Variants in FOXP1 observed in about 807,000 individuals in gnomAD.
The protein encoded by FOXP1 is forkhead box P1.
A neutral mutation model predicts 98.2 loss-of-function variants in FOXP1; 15 were observed. That is an observed-to-expected ratio of 0.15 (90% confidence interval 0.10 to 0.24). The LOEUF (loss-of-function observed/expected upper bound fraction) is 0.24, where lower values mean the gene tolerates loss of function less well. Among genes scored for constraint, FOXP1 ranks in the 10% least tolerant of loss-of-function variants. FOXP1 has a pLI of 1.00. For synonymous variants in FOXP1, 371 were observed against 314.5 expected (o/e 1.18, Z -1.90); for missense variants, 633 against 848.5 (o/e 0.75, Z 3.15).
At chr3:71,196,159 T>C (rs1234407191) in intron 6 of FOXP1, among the ~76,000 whole-genome samples, 4 of 152,196 alleles carry the variant, frequency 2.6e-5, no homozygotes, top group African/African-American at 7.2e-5. Flanking sequence ...AAAACTGTCA[T>C]AAAAACATTT....
intron 2 of FOXP1, among the ~76,000 whole-genome samples, chr3:71,559,662 A>G (rs1266211456): frequency 6.6e-6 from 1 of 152,164 alleles, no homozygotes; most frequent in Non-Finnish European, 1.5e-5. Flanking sequence ...CCTGGGCAAA[A>G]CTGTGAAATC....
chr3:71,233,854 C>T (rs1453333486), intron 5 of FOXP1, among the ~76,000 whole-genome samples: 1 of 152,118 alleles, frequency 6.6e-6, no homozygotes, highest in African/African-American at 2.4e-5. Flanking sequence ...GAACTTAAGA[C>T]CTTGGTAAAA....
intron 3 of FOXP1, among the ~76,000 whole-genome samples, chr3:71,460,257 T>G (rs954514633): frequency 1.3e-5 from 2 of 151,410 alleles, no homozygotes; most frequent in Non-Finnish European, 2.9e-5. Context: ...TTGTTTGTTT[T>G]TTGTGACAGT....
intron 5 of FOXP1, among the ~76,000 whole-genome samples, chr3:71,257,161 T>C (rs919543325): frequency 2.0e-5 from 3 of 152,216 alleles, no homozygotes; most frequent in Admixed American, 6.5e-5. Flanking sequence ...TTCTTTGTTA[T>C]GGGTGCTCCT....
chr3:71,378,283 G>T (rs1281667850), intron 3 of FOXP1, among the ~76,000 whole-genome samples: 1 of 152,036 alleles, frequency 6.6e-6, no homozygotes, highest in Non-Finnish European at 1.5e-5. Context: ...AGAAGGTACC[G>T]CTGGGGAGAT....
At chr3:71,228,554 G>A (rs2066023573) in intron 5 of FOXP1, among the ~76,000 whole-genome samples, 1 of 152,140 alleles carries the variant, frequency 6.6e-6, no homozygotes, top group South Asian at 2.1e-4. Context: ...GCAGCGCAAT[G>A]ACAATGTACA....
At chr3:71,234,349 G>C (rs2066595338) in intron 5 of FOXP1, among the ~76,000 whole-genome samples, 1 of 152,152 alleles carries the variant, frequency 6.6e-6, no homozygotes, top group African/African-American at 2.4e-5. Flanking sequence ...CTCCACCACT[G>C]GAGATCATCC....
At chr3:71,300,153 C>CG (rs2073722622) in intron 4 of FOXP1, among the ~76,000 whole-genome samples, 1 of 152,090 alleles carries the variant, frequency 6.6e-6, no homozygotes, top group Non-Finnish European at 1.5e-5. Context: ...TGTTGTCTAT[C>CG]GATTTATTTT....
chr3:71,046,947 G>A lies in FOXP1; in HGVS notation c.659C>T (p.Ala220Val), dbSNP rs199669525. ...GQPALPLQPL[A>V]QGMIPTELQQ... The stretch of plus-strand genomic sequence containing the variant: ...TCTGTAAAATCAACGCATACCTTGA[G>A]CAAGAGGTTGAAGGGGAAGGGCAGG... Residue 220 changes from alanine (A) to valine (V), a missense_variant, in exon 10 of 21, where the codon GCT (alanine) becomes GTT (valine). Coordinates refer to ENST00000649528, the MANE Select transcript of FOXP1 (RefSeq NM_001349338.3). 6.2e-7 allele frequency: 1 copy of A among 1,614,060 alleles called. No individual in the cohort carries two copies. The highest frequency in any genetic ancestry group is 2.2e-5 in the East Asian group (1 of 44,890).
chr3:70,988,221 G>T, intron 13 of FOXP1, 144 bp from the exon 14 acceptor site: 1 of 812,244 alleles, frequency 1.2e-6, no homozygotes, highest in Non-Finnish European at 2.1e-6. Flanking sequence ...AAATCTACAT[G>T]ACCATTGCCA....
intron 11 of FOXP1, among the ~76,000 whole-genome samples, chr3:71,031,520 TTTCACCCTG>T (rs2046865846): frequency 6.6e-6 from 1 of 152,176 alleles, no homozygotes; most frequent in Non-Finnish European, 1.5e-5. Flanking sequence ...AGTCCCTATT[TTTCACCCTG>T]TGCACTGGGA....
intron 3 of FOXP1, among the ~76,000 whole-genome samples, chr3:71,481,669 A>T (rs1455523989): frequency 2.6e-5 from 4 of 152,176 alleles, no homozygotes; most frequent in South Asian, 4.1e-4. Flanking sequence ...ACTTGGTGAC[A>T]ATCAGAAACT....
At chr3:70,995,926 T>G (rs1329323057) in intron 13 of FOXP1, among the ~76,000 whole-genome samples, 1 of 152,220 alleles carries the variant, frequency 6.6e-6, no homozygotes, top group Non-Finnish European at 1.5e-5. Context: ...GTACCTTGCC[T>G]TTTGTAATTG....
intron 2 of FOXP1, among the ~76,000 whole-genome samples, chr3:71,545,783 T>C (rs1241652359): frequency 6.6e-6 from 1 of 152,184 alleles, no homozygotes; most frequent in Non-Finnish European, 1.5e-5. Flanking sequence ...TTGGAAAATA[T>C]TACATTCCTA....
chr3:71,361,539 G>A (rs2078570608), intron 3 of FOXP1, among the ~76,000 whole-genome samples: 2 of 152,176 alleles, frequency 1.3e-5, no homozygotes, highest in African/African-American at 4.8e-5. Flanking sequence ...ACACTCGATT[G>A]CAGGTTTGGC....
At chr3:71,068,356 C>A (rs1453957307) in intron 7 of FOXP1, among the ~76,000 whole-genome samples, 3 of 152,180 alleles carry the variant, frequency 2.0e-5, no homozygotes, top group Non-Finnish European at 4.4e-5. Context: ...GGTTTTACTG[C>A]CCATTCAGAG....
At chr3:71,475,774 G>A (rs746915230) in intron 3 of FOXP1, among the ~76,000 whole-genome samples, 14 of 152,160 alleles carry the variant, frequency 9.2e-5, no homozygotes, top group Non-Finnish European at 1.5e-4. Context: ...CCCGGGAGGC[G>A]GAGGTTGCAG....
At chr3:71,179,010 TAA>T (rs202156226) in intron 6 of FOXP1, among the ~76,000 whole-genome samples, 20 of 128,738 alleles carry the variant, frequency 1.6e-4, no homozygotes, top group Admixed American at 1.6e-4. Flanking sequence ...GCACTCTGTC[TAA>T]AAAAAAAAAA....
intron 4 of FOXP1, among the ~76,000 whole-genome samples, chr3:71,324,765 TAAA>T (rs2075585483): frequency 1.3e-5 from 2 of 150,288 alleles, no homozygotes; most frequent in Non-Finnish European, 3.0e-5. Context: ...TAAAGTATAA[TAAA>T]AACAAATAAA....
Sources: gnomAD v4.1 joint callset for allele counts (sites outside exome capture counted in the v4.1 genomes callset) on GRCh38, gnomAD v4.1.1 for gene constraint, MANE v1.5 for transcripts, NCBI Gene and HGNC (gene_info 2026-07-23, HGNC 2026-07-21) for gene names.